Variants in DEPDC5 observed in about 807,000 individuals in gnomAD.
DEPDC5 encodes DEP domain containing 5, GATOR1 subcomplex subunit.
DEPDC5 carries 73 observed loss-of-function variants against 217.3 expected under a neutral mutation model. That is an observed-to-expected ratio of 0.34 (90% CI 0.28 to 0.41). The LOEUF (loss-of-function observed/expected upper bound fraction) is 0.41, where lower values mean the gene tolerates loss of function less well. DEPDC5 is among the 10% of genes least tolerant of loss of function. The pLI is 1.00. For missense variants in DEPDC5, 1,675 were observed against 2,070.1 expected (o/e 0.81, Z 3.70); for synonymous variants, 733 against 756.7 (o/e 0.97, Z 0.51).
At chr22:31,769,316 T>C (rs1456457496) in intron 7 of DEPDC5, 1 of 148,666 alleles carries the variant, frequency 6.7e-6, no homozygotes, top group Non-Finnish European at 1.5e-5. Flanking sequence ...CAAAATGCAC[T>C]ATAGTAGTTT....
At chr22:31,793,041 A>G (rs935513419) in intron 12 of DEPDC5, among the ~76,000 whole-genome samples, 3 of 151,940 alleles carry the variant, frequency 2.0e-5, no homozygotes, top group Non-Finnish European at 2.9e-5. Flanking sequence ...CTGCACACCA[A>G]CCTGGGAGAG....
At chr22:31,886,263 A>G (rs368776394) in intron 38 of DEPDC5, among the ~76,000 whole-genome samples, 28 of 152,206 alleles carry the variant, frequency 1.8e-4, no homozygotes, top group African/African-American at 5.3e-4. Context: ...GGCTCAAGCA[A>G]TCCTCCCAGT....
chr22:31,797,195 T>A (rs577715149), intron 12 of DEPDC5, among the ~76,000 whole-genome samples: 4 of 152,114 alleles, frequency 2.6e-5, no homozygotes, highest in Non-Finnish European at 4.4e-5. Context: ...GTAAAGTTGC[T>A]GTATTAGTCC....
intron 41 of DEPDC5, among the ~76,000 whole-genome samples, chr22:31,904,250 C>T (rs1270092920): frequency 1.3e-5 from 2 of 152,212 alleles, no homozygotes; most frequent in African/African-American, 4.8e-5. Flanking sequence ...ATGATTATAT[C>T]CCCTCCCCTG....
intron 40 of DEPDC5, among the ~76,000 whole-genome samples, chr22:31,899,157 C>G (rs550161931): frequency 2.6e-4 from 39 of 152,288 alleles, no homozygotes; most frequent in African/African-American, 9.4e-4. Flanking sequence ...GTAACTCAGT[C>G]TTCAAGACCA....
chr22:31,858,818 T>G (rs377128760), intron 32 of DEPDC5: 5 of 152,218 alleles, frequency 3.3e-5, no homozygotes, highest in Non-Finnish European at 7.3e-5. Context: ...ACCACAGTTA[T>G]AATGTTGCAG....
intron 38 of DEPDC5, among the ~76,000 whole-genome samples, chr22:31,881,047 C>T (rs1390165056): frequency 1.4e-5 from 2 of 145,842 alleles, no homozygotes; most frequent in African/African-American, 2.5e-5. Flanking sequence ...CGCTGTGGCT[C>T]ATGCCTGTAG....
intron 37 of DEPDC5, among the ~76,000 whole-genome samples, chr22:31,879,081 CGT>C (rs1569184254): frequency 7.5e-6 from 1 of 134,160 alleles, no homozygotes; most frequent in Non-Finnish European, 1.5e-5. Context: ...CACACACACA[CGT>C]ATATATATAT....
chr22:31,824,278 G>A lies in DEPDC5; in HGVS notation c.2104+1488G>A, dbSNP rs563951849. Among the ~76,000 whole-genome samples, 70 of 152,194 alleles carry A rather than the reference G, an allele frequency of 4.6e-4. 1 individual carries two copies. The highest frequency in any genetic ancestry group is 1.6e-3 in the African/African-American group (66 of 41,516). On this transcript the variant is annotated intron_variant, in intron 24 of 42. Coordinates refer to ENST00000651528, the MANE Select transcript of DEPDC5 (RefSeq NM_001242896.3). ...GGAGAATTGCTTGAACCTGGGAGGC[G>A]GAGGTTGCAGTGAGCTGAGATTGCG...
Position 31,755,905 on chromosome 22 carries a change from G to T in DEPDC5, c.58+926G>T, listed in dbSNP as rs112179777. Among the ~76,000 whole-genome samples the T allele has an allele frequency of 1.5e-4, 23 of 150,606 alleles. No individual in the cohort carries two copies. The East Asian group carries it at 4.5e-3, about 29-fold the overall frequency. On this transcript the variant is annotated intron_variant, in intron 2 of 42. Coordinates refer to ENST00000651528, the MANE Select transcript of DEPDC5 (RefSeq NM_001242896.3). ...CATTTTTTTTTTGAGACAGAGTCTC[G>T]CTCTGTCACCAGGCTGGAGTGCAGT...
chr22:31,820,763 C>G (rs1388259187), intron 22 of DEPDC5, among the ~76,000 whole-genome samples: 1 of 152,208 alleles, frequency 6.6e-6, no homozygotes, highest in Non-Finnish European at 1.5e-5. Context: ...GAACCATATT[C>G]TGCAAACAGT....
chr22:31,784,599 G>A, intron 9 of DEPDC5: 3 of 425,090 alleles, frequency 7.1e-6, no homozygotes. Context: ...CAGCCTGGGA[G>A]ACAAAGTGAG....
chr22:31,789,713 G>C (rs572042548), intron 10 of DEPDC5, among the ~76,000 whole-genome samples: 2 of 151,992 alleles, frequency 1.3e-5, no homozygotes, highest in African/African-American at 4.8e-5. Context: ...TAGTGTAAAA[G>C]AGTAGAGTTT....
At chr22:31,891,212 A>G in intron 38 of DEPDC5, 2 of 590,680 alleles carry the variant, frequency 3.4e-6, no homozygotes, top group South Asian at 1.5e-5. Context: ...GAGTGATTTC[A>G]GCCACCAAGT....
chr22:31,826,643 A>G (rs369650812), intron 24 of DEPDC5, among the ~76,000 whole-genome samples: 1 of 152,064 alleles, frequency 6.6e-6, no homozygotes, highest in South Asian at 2.1e-4. Flanking sequence ...TGTGTTAGGC[A>G]TGTTTCCGCA....
intron 38 of DEPDC5, among the ~76,000 whole-genome samples, chr22:31,881,774 C>T (rs565004517): frequency 2.6e-5 from 4 of 151,886 alleles, no homozygotes; most frequent in Non-Finnish European, 5.9e-5. Context: ...GATGAAACCC[C>T]ATCTCTACTA....
chr22:31,902,538 C>G (rs1161879605), intron 41 of DEPDC5, among the ~76,000 whole-genome samples: 1 of 151,558 alleles, frequency 6.6e-6, no homozygotes, highest in Non-Finnish European at 1.5e-5. Context: ...CTTCACAGAC[C>G]TAGCTCAGGT....
chr22:31,837,373 G>T, intron 26 of DEPDC5: 1 of 590,644 alleles, frequency 1.7e-6, no homozygotes, highest in Non-Finnish European at 2.9e-6. Context: ...TTAACTGAGA[G>T]AGGGTCTCAC....
chr22:31,848,485 G>A (rs2149049532), intron 31 of DEPDC5, among the ~76,000 whole-genome samples: 1 of 152,308 alleles, frequency 6.6e-6, no homozygotes, highest in African/African-American at 2.4e-5. Context: ...AAGGCTTGGG[G>A]CTTACACCTT....
Sources: allele counts gnomAD v4.1 joint callset (sites outside exome capture counted in the v4.1 genomes callset), GRCh38; gene constraint gnomAD v4.1.1; transcripts MANE v1.5; gene names NCBI Gene and HGNC (gene_info 2026-07-23, HGNC 2026-07-21).